ATIC: variants seen among roughly 807,000 people sequenced by gnomAD.
ATIC encodes bifunctional purine biosynthesis protein ATIC.
ATIC carries 64 observed loss-of-function variants against 72.5 expected under a neutral mutation model. That is an observed-to-expected ratio of 0.88 (90% CI 0.72 to 1.09). ATIC has a LOEUF of 1.09. Ranked by LOEUF, ATIC falls within the 50% of genes least tolerant of loss-of-function variation. ATIC has a pLI of 0.00. For missense variants in ATIC, 787 were observed against 732.4 expected (o/e 1.07, Z -0.86); for synonymous variants, 281 against 267.1 (o/e 1.05, Z -0.51).
chr2:215,359,978 C>T, the ATIC span, among the ~76,000 whole-genome samples: 1 of 151,970 alleles, frequency 6.6e-6, no homozygotes, highest in Non-Finnish European at 1.5e-5. Flanking sequence ...TTGCTCTGTC[C>T]CCCATGCTGG....
At position 215,329,770 on chromosome 2, in the gene ATIC, CTT is replaced by C. The variant is rs71044583; in HGVS notation, c.689-2603_689-2602del. ...GATATTTGAAGGGGAACCGGATACT[CTT>C]TTTTTTTTGAGGCAGAGTCTTGCTC... is the stretch of plus-strand genomic sequence containing the variant. On this transcript the variant is annotated intron_variant, in intron 7 of 15. Transcript: ENST00000236959. 4.5e-3 allele frequency among the ~76,000 whole-genome samples: 666 copies of C among 149,554 alleles called. 2 individuals carry two copies. The highest frequency in any genetic ancestry group is 7.2e-3 in the Non-Finnish European group (481 of 67,162).
the ATIC span, among the ~76,000 whole-genome samples, chr2:215,358,853 A>T: frequency 6.6e-6 from 1 of 152,218 alleles, no homozygotes; most frequent in Non-Finnish European, 1.5e-5. Flanking sequence ...TAGTTAATAC[A>T]GTCCAACTGT....
chr2:215,365,692 T>C, the ATIC span: 4 of 1,549,168 alleles, frequency 2.6e-6, no homozygotes, highest in Admixed American at 6.7e-5. Flanking sequence ...CACAAGACAG[T>C]AGGTGAACTG....
chr2:215,352,764 C>T (rs1024242225), downstream of ATIC, among the ~76,000 whole-genome samples: 6 of 38,134 alleles, frequency 1.6e-4, no homozygotes, highest in Non-Finnish European at 5.4e-4. Context: ...CAACCCAAGC[C>T]TGGTACATCA....
chr2:215,356,080 G>A, the ATIC span, among the ~76,000 whole-genome samples: 2 of 152,122 alleles, frequency 1.3e-5, no homozygotes, highest in African/African-American at 2.4e-5. Context: ...TGCCTTTCCC[G>A]CACTTTCAAT....
chr2:215,342,555 C>T (rs186458552), intron 12 of ATIC, among the ~76,000 whole-genome samples: 14 of 152,256 alleles, frequency 9.2e-5, no homozygotes, highest in African/African-American at 2.6e-4. Context: ...CTTCTGTAGC[C>T]GGGCTCACTT....
At chr2:215,362,034 G>T in the ATIC span, 5 of 1,614,110 alleles carry the variant, frequency 3.1e-6, no homozygotes, top group Non-Finnish European at 4.2e-6. Context: ...GTGCCTTCGG[G>T]ACTGGGTTCA....
At chr2:215,318,129 A>G (rs766890677) in intron 2 of ATIC, 28 bp from the exon 3 acceptor site, 6 of 1,585,008 alleles carry the variant, frequency 3.8e-6, no homozygotes, top group East Asian at 4.5e-5. Flanking sequence ...CCACACCAGT[A>G]GTACCATTCT....
chr2:215,360,666 G>GCTGT, the ATIC span: 1 of 152,598 alleles, frequency 6.6e-6, no homozygotes, highest in African/African-American at 2.4e-5. Context: ...AAAGTGTAAA[G>GCTGT]CTATCTCCAT....
chr2:215,326,003 G>A lies in ATIC; in HGVS notation c.396G>A (p.Leu132=). The A allele has an allele frequency of 6.2e-7, 1 of 1,614,128 alleles. No homozygotes were observed. The highest frequency in any genetic ancestry group is 8.5e-7 in the Non-Finnish European group (1 of 1,180,018). ...TCTTCAAAGGTGGAGTAACCTTACT[G>A]AGAGCTGCAGCCAAAAACCACGCTC... ...EQIDIGGVTL[L]RAAAKNHARV... Residue 132 remains leucine, a synonymous_variant, in exon 6 of 16, where the codon CTG becomes CTA. Coordinates refer to ENST00000236959, the MANE Select transcript of ATIC (RefSeq NM_004044.7).
the ATIC span, chr2:215,362,366 A>G: frequency 4.7e-6 from 2 of 423,932 alleles, no homozygotes; most frequent in South Asian, 4.6e-5. Context: ...GCTCATTCCA[A>G]TCCCAACTTC....
downstream of ATIC, among the ~76,000 whole-genome samples, chr2:215,352,668 TAA>T (rs1312904801): frequency 6.6e-6 from 1 of 152,170 alleles, no homozygotes; most frequent in Non-Finnish European, 1.5e-5. Flanking sequence ...ACTAAAAGGA[TAA>T]GTCATTTTGA....
intron 12 of ATIC, among the ~76,000 whole-genome samples, chr2:215,339,162 C>G (rs548751293): frequency 1.3e-5 from 2 of 152,250 alleles, no homozygotes; most frequent in Non-Finnish European, 2.9e-5. Context: ...TCATGTCTTC[C>G]ATAATCTGAC....
chr2:215,314,012 T>C (rs1213065355), intron 2 of ATIC, among the ~76,000 whole-genome samples: 2 of 152,146 alleles, frequency 1.3e-5, no homozygotes, highest in Non-Finnish European at 2.9e-5. Context: ...CACCAAACTT[T>C]GTATTATGGA....
chr2:215,362,184 A>G, the ATIC span: 2 of 770,346 alleles, frequency 2.6e-6, no homozygotes, highest in African/African-American at 1.7e-5. Flanking sequence ...TGCACTGGCA[A>G]AATATAAGCA....
At chr2:215,321,320 G>T (rs959826474) in intron 4 of ATIC, among the ~76,000 whole-genome samples, 1 of 149,610 alleles carries the variant, frequency 6.7e-6, no homozygotes, top group Non-Finnish European at 1.5e-5. Context: ...AGTTCATTTC[G>T]TTTTTAGTGC....
At chr2:215,360,605 A>G in the ATIC span, 1 of 152,428 alleles carries the variant, frequency 6.6e-6, no homozygotes. Context: ...TCTGAACGGT[A>G]AACTAGCAAT....
intron 2 of ATIC, among the ~76,000 whole-genome samples, chr2:215,312,862 G>A (rs1404518706): frequency 6.6e-6 from 1 of 152,166 alleles, no homozygotes. Flanking sequence ...ACTTTGGGAG[G>A]CCGAGGTGGG....
downstream of ATIC, among the ~76,000 whole-genome samples, chr2:215,350,001 C>CAA (rs1472948617): frequency 5.3e-5 from 8 of 152,142 alleles, no homozygotes; most frequent in Non-Finnish European, 1.2e-4. Flanking sequence ...GGGAGTTATA[C>CAA]CCATCTTAAA....
Sources: allele counts gnomAD v4.1 joint callset (sites outside exome capture counted in the v4.1 genomes callset), GRCh38; gene constraint gnomAD v4.1.1; transcripts MANE v1.5; gene names NCBI Gene and HGNC (gene_info 2026-07-23, HGNC 2026-07-21).